AGMO: variants seen among roughly 807,000 people sequenced by gnomAD.
AGMO encodes the protein alkylglycerol monooxygenase.
In AGMO, 75 loss-of-function variants were observed where a neutral mutation model predicts 60.2. The ratio of observed to expected loss-of-function variants is 1.25; its 90% CI spans 1.03 to 1.51. The LOEUF (loss-of-function observed/expected upper bound fraction) is 1.51, where lower values mean the gene tolerates loss of function less well. AGMO is among the 40% of genes most tolerant of loss of function. The pLI is 0.00. For synonymous variants in AGMO, 261 were observed against 177.1 expected, an observed-to-expected ratio of 1.47 and a Z score of -3.76; for missense variants, 763 against 525.5, an observed-to-expected ratio of 1.45 and a Z score of -4.42.
the AGMO span, among the ~76,000 whole-genome samples, chr7:15,184,446 GGAAGGAAGGGAGGTAA>G: frequency 1.4e-5 from 2 of 138,970 alleles, no homozygotes. Context: ...AGGGAGGGAG[GGAAGGAAGGGAGGTAA>G]GAAGGAAGGA....
chr7:15,162,055 A>T, the AGMO span, among the ~76,000 whole-genome samples: 1 of 152,168 alleles, frequency 6.6e-6, no homozygotes, highest in East Asian at 1.9e-4. Context: ...TGCTGTTCTC[A>T]TGATAGTGAG....
the AGMO span, among the ~76,000 whole-genome samples, chr7:15,172,833 G>C: frequency 6.6e-6 from 1 of 152,100 alleles, no homozygotes; most frequent in Admixed American, 6.6e-5. Context: ...CATGGAAGAG[G>C]ATGGCGCTGT....
chr7:15,229,070 C>T (rs1459584294), intron 12 of AGMO, among the ~76,000 whole-genome samples: 2 of 152,186 alleles, frequency 1.3e-5, no homozygotes, highest in Admixed American at 6.6e-5. Flanking sequence ...CCTTTACTTC[C>T]ATATGGCTGC....
intron 12 of AGMO, among the ~76,000 whole-genome samples, chr7:15,273,245 AT>A (rs1783670949): frequency 6.6e-6 from 1 of 152,028 alleles, no homozygotes; most frequent in African/African-American, 2.4e-5. Context: ...TCCTTCTAGG[AT>A]TTTTATGGTT....
chr7:15,261,019 G>A (rs1183386815), intron 12 of AGMO, among the ~76,000 whole-genome samples: 1 of 152,010 alleles, frequency 6.6e-6, no homozygotes, highest in Non-Finnish European at 1.5e-5. Flanking sequence ...CAAAAGCAGA[G>A]CTAAGAGGAA....
intron 12 of AGMO, among the ~76,000 whole-genome samples, chr7:15,220,472 C>T (rs1253327789): frequency 6.6e-6 from 1 of 151,692 alleles, no homozygotes; most frequent in African/African-American, 2.4e-5. Flanking sequence ...CCCACCTCGG[C>T]CTCCCAAACT....
At chr7:15,326,364 G>A (rs186849434) in intron 12 of AGMO, among the ~76,000 whole-genome samples, 10 of 152,234 alleles carry the variant, frequency 6.6e-5, no homozygotes, top group South Asian at 4.1e-4. Context: ...AGAATATAGC[G>A]TCTTGGCAAA....
chr7:15,462,387 A>C (rs924714233), intron 3 of AGMO, among the ~76,000 whole-genome samples: 4 of 152,194 alleles, frequency 2.6e-5, no homozygotes, highest in African/African-American at 4.8e-5. Context: ...CATCAAATTT[A>C]TTATTTTGCT....
chr7:15,363,941 A>C (rs1185392295), intron 12 of AGMO, among the ~76,000 whole-genome samples: 1 of 151,998 alleles, frequency 6.6e-6, no homozygotes, highest in East Asian at 1.9e-4. Flanking sequence ...GATTTTTTTC[A>C]GCATGTATAT....
intron 3 of AGMO, among the ~76,000 whole-genome samples, chr7:15,540,848 T>C (rs1471831809): frequency 1.3e-5 from 2 of 152,132 alleles, no homozygotes; most frequent in Non-Finnish European, 2.9e-5. Context: ...TCTATAAAAG[T>C]ATATATATAG....
chr7:15,452,043 A>G (rs1291013398), intron 3 of AGMO, among the ~76,000 whole-genome samples: 1 of 152,188 alleles, frequency 6.6e-6, no homozygotes, highest in Non-Finnish European at 1.5e-5. Flanking sequence ...AGCTAGGTTG[A>G]AGTTCATCTA....
At chr7:15,357,077 T>C (rs971841097) in intron 12 of AGMO, among the ~76,000 whole-genome samples, 1 of 151,256 alleles carries the variant, frequency 6.6e-6, no homozygotes, top group Non-Finnish European at 1.5e-5. Flanking sequence ...TGAGCCAAGA[T>C]TGCACCATTG....
At chr7:15,427,712 ATAGAG>A (rs66523547) in intron 4 of AGMO, among the ~76,000 whole-genome samples, 59,068 of 145,086 alleles carry the variant, frequency 0.41, 11,569 homozygotes, top group Middle Eastern at 0.5. Context: ...AGCAAATTGG[ATAGAG>A]TATTATTCTT....
chr7:15,344,718 A>T (rs1781972553), intron 12 of AGMO, among the ~76,000 whole-genome samples: 1 of 152,084 alleles, frequency 6.6e-6, no homozygotes, highest in South Asian at 2.1e-4. Context: ...AAAAACCCAA[A>T]AACACGTGGA....
At chr7:15,496,749 A>G (rs1783243778) in intron 3 of AGMO, among the ~76,000 whole-genome samples, 2 of 152,202 alleles carry the variant, frequency 1.3e-5, no homozygotes, top group Non-Finnish European at 2.9e-5. Context: ...GGTTACATAC[A>G]TGTTTTTAAA....
rs1257045555 is a variant in AGMO at position 15,493,435 on chromosome 7, G to T, written c.409+51337C>A. Among the ~76,000 whole-genome samples the T allele has an allele frequency of 8.6e-4, 119 of 138,342 alleles. 1 individual carries two copies. Among genetic ancestry groups the T allele is most frequent in the African/African-American group, 3.1e-3 (112 of 36,682 alleles). 90.8% of individuals were successfully genotyped at this position (138,342 alleles called of 152,430 possible). On this transcript the variant is annotated intron_variant, in intron 3 of 12. Transcript: ENST00000342526. ...GTCGCCCAGGCTGGAGTGCAGTGGC[G>T]CGATCTCGGCTCACTGCAAGCTCCG...
intron 5 of AGMO, among the ~76,000 whole-genome samples, chr7:15,394,825 G>A (rs763902524): frequency 6.6e-6 from 1 of 152,128 alleles, no homozygotes; most frequent in Non-Finnish European, 1.5e-5. Flanking sequence ...TACCTTTAGA[G>A]GCATGGTCTA....
intron 3 of AGMO, among the ~76,000 whole-genome samples, chr7:15,436,353 T>C (rs1781404833): frequency 1.3e-5 from 2 of 152,204 alleles, no homozygotes; most frequent in South Asian, 4.1e-4. Context: ...GATGGCATCA[T>C]GAATGCTGAT....
intron 3 of AGMO, among the ~76,000 whole-genome samples, chr7:15,521,651 T>C (rs1488371041): frequency 2.0e-5 from 3 of 152,290 alleles, no homozygotes; most frequent in Non-Finnish European, 4.4e-5. Flanking sequence ...TCAACACCCC[T>C]TCATGTTAAA....
Sources: gnomAD v4.1 joint callset for allele counts (sites outside exome capture counted in the v4.1 genomes callset) on GRCh38, gnomAD v4.1.1 for gene constraint, MANE v1.5 for transcripts, NCBI Gene and HGNC (gene_info 2026-07-23, HGNC 2026-07-21) for gene names.